The following SLC1A2 variants were observed in gnomAD, a reference collection of about 807,000 sequenced individuals.
The protein encoded by SLC1A2 is solute carrier family 1 member 2, also known as excitatory amino acid transporter 2.
A neutral mutation model predicts 48.8 loss-of-function variants in SLC1A2; 15 were observed. The ratio of observed to expected loss-of-function variants is 0.31; its 90% CI spans 0.21 to 0.47. The LOEUF (loss-of-function observed/expected upper bound fraction) is 0.47, where lower values mean the gene tolerates loss of function less well. Among genes scored for constraint, SLC1A2 ranks in the 20% least tolerant of loss-of-function variants. SLC1A2 has a pLI of 0.99. For synonymous variants in SLC1A2, 279 were observed against 272.6 expected, an observed-to-expected ratio of 1.02 and a Z score of -0.23; for missense variants, 502 against 730.5, an observed-to-expected ratio of 0.69 and a Z score of 3.61.
At chr11:35,314,978 A>C in intron 3 of SLC1A2, 45 bp downstream of exon 3, 1 of 1,430,620 alleles carries the variant, frequency 7.0e-7, no homozygotes, top group South Asian at 1.2e-5. Flanking sequence ...AAGCCAGGGC[A>C]GGAGTATGAC....
At chr11:35,317,678 G>C (rs1205821776) in intron 1 of SLC1A2, among the ~76,000 whole-genome samples, 162 bp from the exon 2 acceptor site, 2 of 152,180 alleles carry the variant, frequency 1.3e-5, no homozygotes, top group Admixed American at 1.3e-4. Flanking sequence ...AGCAGGACAG[G>C]AGGACACACT....
Position 35,260,893 on chromosome 11 carries a change from CT to C in SLC1A2, c.1725del (p.Ter575=), listed in dbSNP as rs1565196723. The C allele has an allele frequency of 6.2e-7, 1 of 1,608,776 alleles. No homozygotes were observed. ...VEEEPWKREK[*>X] is the part of the protein sequence containing the mutation. Reference sequence around the variant, plus strand: ...TCAAGAATTTGCTGAGACTCATATCCTTATTTCTCACGTTTCCAAGGTTCTT... The same window carrying C: ...TCAAGAATTTGCTGAGACTCATATCCTATTTCTCACGTTTCCAAGGTTCTT... On this transcript the variant is annotated frameshift_variant and stop_lost, in exon 11 of 11. Transcript: ENST00000278379. LOFTEE classifies it high-confidence loss of function.
At chr11:35,285,734 A>T (rs1309851782) in intron 8 of SLC1A2, 1 of 152,274 alleles carries the variant, frequency 6.6e-6, no homozygotes, top group Non-Finnish European at 1.5e-5. Flanking sequence ...CTGTCTCATA[A>T]GAGGATGAAA....
intron 1 of SLC1A2, among the ~76,000 whole-genome samples, chr11:35,395,886 C>A (rs1281792233): frequency 7.3e-6 from 1 of 136,414 alleles, no homozygotes; most frequent in Non-Finnish European, 1.5e-5. Flanking sequence ...TCCATGTGAT[C>A]TCATTGTTCA....
At chr11:35,325,778 C>T (rs1349395069) in intron 1 of SLC1A2, among the ~76,000 whole-genome samples, 1 of 151,944 alleles carries the variant, frequency 6.6e-6, no homozygotes, top group Non-Finnish European at 1.5e-5. Context: ...GCCTGGCCAA[C>T]ATAGTGAAAC....
chr11:35,367,225 T>C (rs1565279910), intron 1 of SLC1A2, among the ~76,000 whole-genome samples: 1 of 152,214 alleles, frequency 6.6e-6, no homozygotes. Flanking sequence ...AACTGGTAGA[T>C]TTGACCCTGA....
At chr11:35,353,493 C>T (rs971976799) in intron 1 of SLC1A2, among the ~76,000 whole-genome samples, 6 of 152,194 alleles carry the variant, frequency 3.9e-5, no homozygotes, top group African/African-American at 1.4e-4. Flanking sequence ...TTCTTGAGAA[C>T]AGAATTGGAA....
chr11:35,387,494 T>G (rs1262145195), intron 1 of SLC1A2, among the ~76,000 whole-genome samples: 1 of 152,180 alleles, frequency 6.6e-6, no homozygotes, highest in Non-Finnish European at 1.5e-5. Context: ...GTAACGGGTG[T>G]GTTTTCTGAC....
At chr11:35,280,804 AC>A in intron 9 of SLC1A2, 62 bp downstream of exon 9, 3 of 1,184,204 alleles carry the variant, frequency 2.5e-6, no homozygotes, top group Non-Finnish European at 3.5e-6. Context: ...CAACCTTGCC[AC>A]CTGTGCATCC....
chr11:35,385,509 G>A (rs1055270781), intron 1 of SLC1A2, among the ~76,000 whole-genome samples: 11 of 152,238 alleles, frequency 7.2e-5, no homozygotes, highest in Admixed American at 5.9e-4. Flanking sequence ...ACCTGCAGAG[G>A]GGTCTGGGTA....
chr11:35,338,653 A>T (rs545626022), intron 1 of SLC1A2, among the ~76,000 whole-genome samples: 3 of 152,248 alleles, frequency 2.0e-5, no homozygotes, highest in African/African-American at 7.2e-5. Context: ...GGACAAGGAG[A>T]TATGGAAAGA....
At chr11:35,314,820 G>C (rs1222736503) in intron 3 of SLC1A2, among the ~76,000 whole-genome samples, 1 of 143,600 alleles carries the variant, frequency 7.0e-6, no homozygotes, top group Non-Finnish European at 1.5e-5. Context: ...TGGAGAGAAA[G>C]ACAAATAGAC....
At chr11:35,415,995 G>C (rs909965601) in intron 1 of SLC1A2, among the ~76,000 whole-genome samples, 9 of 152,196 alleles carry the variant, frequency 5.9e-5, no homozygotes, top group Non-Finnish European at 1.3e-4. Flanking sequence ...CGTAATTCTA[G>C]CCATGACAGG....
At chr11:35,292,544 C>T (rs771456851) in intron 6 of SLC1A2, 24 bp from the exon 7 acceptor site, 3 of 1,494,136 alleles carry the variant, frequency 2.0e-6, no homozygotes, top group Non-Finnish European at 2.8e-6. Flanking sequence ...AAGGGAAAAA[C>T]AGCATTGAAG....
chr11:35,344,045 C>A (rs1852940093), intron 1 of SLC1A2, among the ~76,000 whole-genome samples: 1 of 151,936 alleles, frequency 6.6e-6, no homozygotes, highest in Admixed American at 6.6e-5. Context: ...TTTTACCCAT[C>A]ATTAAAACTT....
At chr11:35,264,404 G>T (rs967954672) in intron 10 of SLC1A2, among the ~76,000 whole-genome samples, 1 of 152,220 alleles carries the variant, frequency 6.6e-6, no homozygotes, top group African/African-American at 2.4e-5. Flanking sequence ...ATCTCTGGCT[G>T]GGTTCAGCTT....
chr11:35,400,677 A>C (rs1265415348), intron 1 of SLC1A2, among the ~76,000 whole-genome samples: 1 of 152,168 alleles, frequency 6.6e-6, no homozygotes, highest in Non-Finnish European at 1.5e-5. Flanking sequence ...ATCCCATGAA[A>C]ATTTCTAGAG....
At chr11:35,370,350 T>TCCA (rs1229516959) in intron 1 of SLC1A2, among the ~76,000 whole-genome samples, 9 of 152,264 alleles carry the variant, frequency 5.9e-5, no homozygotes, top group African/African-American at 1.9e-4. Context: ...AGAATATTCC[T>TCCA]CCACCTCTTC....
intron 7 of SLC1A2, among the ~76,000 whole-genome samples, chr11:35,287,286 CAA>C (rs201920308): frequency 8.2e-6 from 1 of 121,504 alleles, no homozygotes. Context: ...AATTGGGTTG[CAA>C]AAAAAAAAAA....
Sources: allele counts gnomAD v4.1 joint callset (sites outside exome capture counted in the v4.1 genomes callset), GRCh38; gene constraint gnomAD v4.1.1; transcripts MANE v1.5; gene names NCBI Gene and HGNC (gene_info 2026-07-23, HGNC 2026-07-21).